Variants in HHAT observed in about 807,000 individuals in gnomAD.
HHAT encodes the protein protein-cysteine N-palmitoyltransferase HHAT.
HHAT carries 47 observed loss-of-function variants against 70.8 expected under a neutral mutation model. The ratio of observed to expected loss-of-function variants is 0.66; its 90% CI spans 0.53 to 0.85. The LOEUF (loss-of-function observed/expected upper bound fraction) is 0.85, where lower values mean the gene tolerates loss of function less well. Ranked by LOEUF, HHAT falls within the 40% of genes least tolerant of loss-of-function variation. The pLI, the probability that HHAT is intolerant of heterozygous loss-of-function variation, is 0.00. For missense variants in HHAT, 609 were observed against 604.8 expected (o/e 1.01, Z -0.07); for synonymous variants, 228 against 247.6 (o/e 0.92, Z 0.74).
At chr1:210,624,310 G>A (rs979504610) in intron 11 of HHAT, among the ~76,000 whole-genome samples, 14 of 152,114 alleles carry the variant, frequency 9.2e-5, no homozygotes, top group South Asian at 4.1e-4. Flanking sequence ...CTCAGCTTCC[G>A]TAACTGTAAG....
intron 4 of HHAT, among the ~76,000 whole-genome samples, chr1:210,388,315 TG>T (rs778541258): frequency 1.3e-5 from 2 of 152,182 alleles, no homozygotes; most frequent in Non-Finnish European, 2.9e-5. Context: ...AAAAATGTTT[TG>T]ATTCTCAGAG....
At chr1:210,339,843 A>G (rs1233610324) in intron 1 of HHAT, among the ~76,000 whole-genome samples, 1 of 152,228 alleles carries the variant, frequency 6.6e-6, no homozygotes, top group African/African-American at 2.4e-5. Flanking sequence ...GCAGCAATAC[A>G]TAACTAATAC....
intron 11 of HHAT, among the ~76,000 whole-genome samples, chr1:210,637,440 G>A (rs1672084937): frequency 6.6e-6 from 1 of 152,080 alleles, no homozygotes; most frequent in African/African-American, 2.4e-5. Flanking sequence ...AAACTTTGGT[G>A]CTTCAAAGGA....
chr1:210,408,690 G>C (rs542881509), intron 6 of HHAT, among the ~76,000 whole-genome samples: 2 of 152,324 alleles, frequency 1.3e-5, no homozygotes, highest in East Asian at 1.9e-4. Context: ...GCAGGAAAGG[G>C]ATGGGGGCAG....
At chr1:210,386,918 CTTAG>C (rs2091119523) in intron 3 of HHAT, among the ~76,000 whole-genome samples, 1 of 152,186 alleles carries the variant, frequency 6.6e-6, no homozygotes, top group African/African-American at 2.4e-5. Context: ...TTTATATGAA[CTTAG>C]TTAATTTCTC....
chr1:210,529,264 C>T (rs2095286538), intron 9 of HHAT, among the ~76,000 whole-genome samples: 1 of 149,632 alleles, frequency 6.7e-6, no homozygotes, highest in Non-Finnish European at 1.5e-5. Flanking sequence ...GAGATTCTGC[C>T]ACTGCACTCC....
chr1:210,387,421 C>T, intron 3 of HHAT, 47 bp from the exon 4 acceptor site: 1 of 1,472,844 alleles, frequency 6.8e-7, no homozygotes, highest in Non-Finnish European at 9.5e-7. Context: ...TGTTCTGACT[C>T]AGACGTGTAC....
intron 2 of HHAT, among the ~76,000 whole-genome samples, chr1:210,356,437 T>C (rs1332376756): frequency 1.3e-5 from 2 of 152,174 alleles, no homozygotes; most frequent in Non-Finnish European, 2.9e-5. Context: ...AATGTTTCTT[T>C]AAATAAACTC....
chr1:210,633,660 T>C (rs1030148865), intron 11 of HHAT, among the ~76,000 whole-genome samples: 5 of 152,190 alleles, frequency 3.3e-5, no homozygotes, highest in Non-Finnish European at 5.9e-5. Context: ...CTGACATTGA[T>C]TACACAGGAA....
chr1:210,466,623 G>A (rs2094114290), intron 8 of HHAT, among the ~76,000 whole-genome samples: 1 of 152,112 alleles, frequency 6.6e-6, no homozygotes, highest in African/African-American at 2.4e-5. Context: ...CATATTGGCT[G>A]GCATGATAAA....
intron 9 of HHAT, among the ~76,000 whole-genome samples, chr1:210,550,494 A>ATC (rs1427273897): frequency 6.7e-5 from 10 of 149,144 alleles, no homozygotes; most frequent in Non-Finnish European, 1.2e-4. Context: ...CTTAAATGAT[A>ATC]TGAAGCTGTG....
rs567574177 is a variant in HHAT at position 210,443,322 on chromosome 1, A to C, written c.857-21183A>C. On this transcript the variant is annotated intron_variant, in intron 7 of 11. Coordinates refer to ENST00000261458, the MANE Select transcript of HHAT (RefSeq NM_018194.6). ...CTTTTGGCTTAGGATTGACTTGGCG[A>C]TGCGGGCTCTTTTTTGGTTCCTTAT... Among the ~76,000 whole-genome samples the C allele has an allele frequency of 7.5e-3, 1,138 of 151,724 alleles. 16 individuals are homozygous for C. Among genetic ancestry groups the C allele is most frequent in the African/African-American group, 0.025 (1,040 of 41,294 alleles).
chr1:210,401,134 G>GAC (rs1337314262), intron 5 of HHAT, among the ~76,000 whole-genome samples: 1 of 152,182 alleles, frequency 6.6e-6, no homozygotes, highest in Non-Finnish European at 1.5e-5. Context: ...CATTTGTAGA[G>GAC]ACGGAGTCTT....
chr1:210,333,803 G>A (rs1008779572), intron 1 of HHAT, among the ~76,000 whole-genome samples: 2 of 151,958 alleles, frequency 1.3e-5, no homozygotes, highest in African/African-American at 4.8e-5. Context: ...GATTACAGAT[G>A]TTCACCACCG....
chr1:210,616,898 A>G lies in HHAT; in HGVS notation c.1246-6628A>G, dbSNP rs77422184. 7.4e-3 allele frequency among the ~76,000 whole-genome samples: 1,124 copies of G among 152,350 alleles called. 15 individuals carry two copies. Among genetic ancestry groups the G allele is most frequent in the African/African-American group, 0.025 (1,050 of 41,586 alleles). On this transcript the variant is annotated intron_variant, in intron 10 of 11. Coordinates refer to ENST00000261458, the MANE Select transcript of HHAT (RefSeq NM_018194.6). The stretch of plus-strand genomic sequence containing the variant: ...GTGAATTTTTTGCATCACAAGCTGT[A>G]TTTATCTAAAACATAGATTGATATT...
chr1:210,482,528 C>T (rs964676817), intron 8 of HHAT, among the ~76,000 whole-genome samples: 1 of 152,132 alleles, frequency 6.6e-6, no homozygotes, highest in Non-Finnish European at 1.5e-5. Flanking sequence ...CGTATGCTTC[C>T]TTGCTAAGTT....
intron 4 of HHAT, among the ~76,000 whole-genome samples, chr1:210,391,134 C>T (rs986074132): frequency 2.0e-5 from 3 of 152,082 alleles, no homozygotes; most frequent in Non-Finnish European, 2.9e-5. Context: ...GAAAGTGTTC[C>T]CTTTTTACCA....
At chr1:210,641,299 A>C (rs758968835) in intron 11 of HHAT, among the ~76,000 whole-genome samples, 4 of 152,150 alleles carry the variant, frequency 2.6e-5, no homozygotes, top group Non-Finnish European at 5.9e-5. Context: ...GTGCCGAATG[A>C]TCAGTTTTTA....
chr1:210,483,924 A>G (rs2094436530), intron 8 of HHAT, among the ~76,000 whole-genome samples: 1 of 152,218 alleles, frequency 6.6e-6, no homozygotes, highest in Non-Finnish European at 1.5e-5. Context: ...AAATGCTGTG[A>G]ATTCACAATT....
Sources: allele counts gnomAD v4.1 joint callset (sites outside exome capture counted in the v4.1 genomes callset), GRCh38; gene constraint gnomAD v4.1.1; transcripts MANE v1.5; gene names NCBI Gene and HGNC (gene_info 2026-07-23, HGNC 2026-07-21).